Variants in RIPOR1 observed in about 807,000 individuals in gnomAD.
The protein encoded by RIPOR1 is RHO family interacting cell polarization regulator 1.
RIPOR1 carries 58 observed loss-of-function variants against 116.5 expected under a neutral mutation model. The ratio of observed to expected loss-of-function variants is 0.50; its 90% CI spans 0.40 to 0.62. RIPOR1 has a LOEUF of 0.62. Among genes scored for constraint, RIPOR1 ranks in the 20% least tolerant of loss-of-function variants. The pLI is 0.00. For synonymous variants in RIPOR1, 605 were observed against 650.0 expected (o/e 0.93, Z 1.05); for missense variants, 1,372 against 1,586.2 (o/e 0.86, Z 2.29).
rs1428239355 is a variant in RIPOR1, at chr16:67,537,657, G to A, written c.-23-767G>A. 4.9e-6 allele frequency: 6 copies of A among 1,216,698 alleles called. No individual in the cohort carries two copies. The highest frequency in any genetic ancestry group is 6.4e-6 in the Non-Finnish European group (6 of 930,316). 75.4% of individuals were successfully genotyped at this position (1,216,698 alleles called of 1,614,324 possible). A position where few individuals can be genotyped will look rare whatever the true frequency, so the allele number is the denominator to read the frequency against. Reference sequence around the variant, plus strand: ...ACTGGCCCCAGGGGAAGCAGGCCGGGTTTGGGGGCCAGGAGTGTGTGTTTC... The same window carrying A: ...ACTGGCCCCAGGGGAAGCAGGCCGGATTTGGGGGCCAGGAGTGTGTGTTTC... On this transcript the variant is annotated intron_variant, in intron 1 of 21. Coordinates refer to ENST00000042381, the MANE Select transcript of RIPOR1 (RefSeq NM_024519.4). The surrounding 1 kb of genome is among the most constrained non-coding windows in gnomAD (Gnocchi z 4.6).
At chr16:67,546,261 G>C (rs747966886) in intron 21 of RIPOR1, 30 bp downstream of exon 21, 24 of 1,611,988 alleles carry the variant, frequency 1.5e-5, no homozygotes, top group Non-Finnish European at 2.0e-5. Context: ...GAGATGGGTG[G>C]AGTTCTGGGA....
At position 67,545,807 on chromosome 16, in the gene RIPOR1, G is replaced by A; in HGVS notation, c.3334G>A (p.Ala1112Thr). Residue 1112 changes from alanine to threonine, a missense_variant, in exon 19 of 22, where the codon GCT becomes ACT. Coordinates refer to ENST00000042381, the MANE Select transcript of RIPOR1 (RefSeq NM_024519.4). This position sits in a 1 kb window ranked among gnomAD's most constrained non-coding sequence, Gnocchi z 4.8. ...LVHGNNKVMAAVSTQLRSLSL... is the reference protein window; with the variant it reads ...LVHGNNKVMATVSTQLRSLSL... Reference sequence around the variant, plus strand: ...CCATGGCAACAACAAGGTCATGGCTGCTGTCAGCACCCAGCTCCGGAGCCT... The same window carrying A: ...CCATGGCAACAACAAGGTCATGGCTACTGTCAGCACCCAGCTCCGGAGCCT... 6.2e-7 allele frequency: 1 copy of A among 1,611,618 alleles called. No individual in the cohort carries two copies. Among genetic ancestry groups the A allele is most frequent in the Non-Finnish European group, 8.5e-7 (1 of 1,178,824 alleles).
upstream of RIPOR1, chr16:67,528,684 G>C (rs2050571287): frequency 6.6e-6 from 1 of 152,210 alleles, no homozygotes; most frequent in Non-Finnish European, 1.5e-5. Flanking sequence ...GTGGGCCACC[G>C]GCCTGCCCCG....
chr16:67,533,458 A>G, intron 1 of RIPOR1, among the ~76,000 whole-genome samples: 1 of 152,130 alleles, frequency 6.6e-6, no homozygotes, highest in Non-Finnish European at 1.5e-5. Flanking sequence ...GTGGGAAAGT[A>G]AGATATGCAG....
At position 67,529,181 on chromosome 16, in the gene RIPOR1, C is replaced by T. The variant is rs1345211614; in HGVS notation, c.-24+267C>T. Among the ~76,000 whole-genome samples, 1 of 152,206 alleles carries T rather than the reference C, an allele frequency of 6.6e-6. No individual in the cohort carries two copies. The highest frequency in any genetic ancestry group is 1.5e-5 in the Non-Finnish European group (1 of 68,010). On this transcript the variant is annotated intron_variant, in intron 1 of 21. Transcript: ENST00000042381. The surrounding 1 kb of genome is among the most constrained non-coding windows in gnomAD (Gnocchi z 4.1). ...CCTCCCACGGCAAGGCCCTGGCGGC[C>T]GGTGCCCCGGGGCGCTGGGATGGGC...
rs138980452 is a variant in RIPOR1 at position 67,531,926 on chromosome 16, C to G, written c.-24+3012C>G. ...TTGTTTTTTGAGACAGAGTCTCGCTCTGTCGCCCAGGCTGGAGTGTAGTGG... is the reference window on the plus strand; with the variant it reads ...TTGTTTTTTGAGACAGAGTCTCGCTGTGTCGCCCAGGCTGGAGTGTAGTGG... On this transcript the variant is annotated intron_variant, in intron 1 of 21. Transcript: ENST00000042381. This position sits in a 1 kb window ranked among gnomAD's most constrained non-coding sequence, Gnocchi z 4.2. Among the ~76,000 whole-genome samples the G allele has an allele frequency of 1.1e-3, 169 of 152,284 alleles. 1 individual carries two copies. The highest frequency in any genetic ancestry group is 3.9e-3 in the African/African-American group (162 of 41,546).
At position 67,530,884 on chromosome 16, in the gene RIPOR1, C is replaced by A. The variant is rs1214767580; in HGVS notation, c.-24+1970C>A. Among the ~76,000 whole-genome samples, 1 of 151,862 alleles carries A rather than the reference C, an allele frequency of 6.6e-6. No homozygotes were observed. The highest frequency in any genetic ancestry group is 1.9e-4 in the East Asian group (1 of 5,168). On this transcript the variant is annotated intron_variant, in intron 1 of 21. Transcript: ENST00000042381. The surrounding 1 kb of genome is among the most constrained non-coding windows in gnomAD (Gnocchi z 4.5). The stretch of plus-strand genomic sequence containing the variant: ...GCCAGTCCCCCACCAGTTGAGGTGG[C>A]CCTTCTGCCTTAGCTCAAGGGGTTC...
At position 67,538,777 on chromosome 16, in the gene RIPOR1, G is replaced by A; in HGVS notation, c.210G>A (p.Gln70=). 6.2e-7 allele frequency: 1 copy of A among 1,613,516 alleles called. No individual in the cohort carries two copies. Among genetic ancestry groups the A allele is most frequent in the Non-Finnish European group, 8.5e-7 (1 of 1,179,964 alleles). The part of the protein sequence containing the change: ...SVAHPAAKVP[Q]PERLDLVYTA... ...CTCACCCAGCCGCCAAGGTGCCGCAGCCCGAGCGGCTGGACCTGGTGTACA... is the reference window on the plus strand; with the variant it reads ...CTCACCCAGCCGCCAAGGTGCCGCAACCCGAGCGGCTGGACCTGGTGTACA... Residue 70 remains glutamine (Q), a synonymous_variant, in exon 3 of 22, where the codon CAG becomes CAA. Coordinates refer to ENST00000042381, the MANE Select transcript of RIPOR1 (RefSeq NM_024519.4).
rs763225830 is a variant in RIPOR1, at chr16:67,542,574, G to T, written c.1788G>T (p.Gln596His). Residue 596 changes from glutamine to histidine, a missense_variant, in exon 13 of 22, where the codon CAG (glutamine) becomes CAT (histidine). Transcript: ENST00000042381. The surrounding 1 kb of genome is among the most constrained non-coding windows in gnomAD (Gnocchi z 4.6). ...GPTLNIIGPV[Q>H]TTTSPTHTMP... is the part of the protein sequence containing the mutation. ...CCCTCAATATCATAGGCCCAGTCCA[G>T]ACTACCACAAGCCCCACCCACACTA... The T allele has an allele frequency of 1.9e-6, 3 of 1,613,594 alleles. No individual in the cohort carries two copies. The South Asian group carries it at 3.3e-5, about 18-fold the overall frequency.
chr16:67,539,667 G>A, intron 4 of RIPOR1, 61 bp from the exon 5 acceptor site: 1 of 1,595,430 alleles, frequency 6.3e-7, no homozygotes, highest in Non-Finnish European at 8.6e-7. Flanking sequence ...GAGTCTGAGT[G>A]CCTCTGCTGG....
In RIPOR1 at chr16:67,543,703, G is replaced by A. The variant is rs966496461; in HGVS notation, c.2600+234G>A. ...ACGTGTGTCCCCAGTGCTTCTGACC[G>A]CCCTCTTCATCTCTGCAATGTCTGC... is the stretch of plus-strand genomic sequence containing the variant. On this transcript the variant is annotated intron_variant, in intron 14 of 21. Transcript: ENST00000042381. This position sits in a 1 kb window ranked among gnomAD's most constrained non-coding sequence, Gnocchi z 4.7. The A allele has an allele frequency of 4.2e-5, 25 of 593,412 alleles. No homozygotes were observed. The highest frequency in any genetic ancestry group is 2.2e-4 in the African/African-American group (12 of 53,534). The allele number at this position is 593,412 out of a possible 1,614,324, so 36.8% of individuals were successfully genotyped here. A position where few individuals can be genotyped will look rare whatever the true frequency, so the allele number is the denominator to read the frequency against.
At chr16:67,522,027 TG>T (rs1555524637) in intron 1 of RIPOR1, among the ~76,000 whole-genome samples, 2 of 125,088 alleles carry the variant, frequency 1.6e-5, no homozygotes, top group Admixed American at 7.5e-5. Context: ...CCATGTTTTT[TG>T]TTGTTGTTGT....
Position 67,540,121 on chromosome 16 carries a change from T to C in RIPOR1, c.483T>C (p.Arg161=), listed in dbSNP as rs753548388. The C allele has an allele frequency of 3.1e-6, 5 of 1,614,132 alleles. No homozygotes were observed. Among genetic ancestry groups the C allele is most frequent in the Non-Finnish European group, 4.2e-6 (5 of 1,180,014 alleles). ...RLRDGAYNMV[R]AYTTGSPGSR... Reference sequence around the variant, plus strand: ...GGGATGGTGCCTACAACATGGTCCGTGCCTACACCACTGGGTCCCCGGGAA... The same window carrying C: ...GGGATGGTGCCTACAACATGGTCCGCGCCTACACCACTGGGTCCCCGGGAA... The change falls in exon 7 of 22, where the codon CGT becomes CGC. Residue 161 remains arginine (R), a synonymous_variant. Transcript: ENST00000042381. The surrounding 1 kb of genome is among the most constrained non-coding windows in gnomAD (Gnocchi z 4.7).
Position 67,537,389 on chromosome 16 carries a change from A to T in RIPOR1, c.-23-1035A>T. The T allele has an allele frequency of 7.3e-6, 9 of 1,229,440 alleles. No individual in the cohort carries two copies. Among genetic ancestry groups the T allele is most frequent in the Non-Finnish European group, 9.1e-6 (9 of 986,170 alleles). The allele number at this position is 1,229,440 out of a possible 1,614,324, so 76.2% of individuals were successfully genotyped here. A position where few individuals can be genotyped will look rare whatever the true frequency, so the allele number is the denominator to read the frequency against. ...CCCCTCCCCGAGGGGAACCCCAGTCACCGGTCCCGCCCCATCCAGGCGGGC... is the reference window on the plus strand; with the variant it reads ...CCCCTCCCCGAGGGGAACCCCAGTCTCCGGTCCCGCCCCATCCAGGCGGGC... On this transcript the variant is annotated intron_variant, in intron 1 of 21. Coordinates refer to ENST00000042381, the MANE Select transcript of RIPOR1 (RefSeq NM_024519.4). The surrounding 1 kb of genome is among the most constrained non-coding windows in gnomAD (Gnocchi z 4.6).
rs772613318 is a variant in RIPOR1, at chr16:67,538,781, G to A, written c.214G>A (p.Glu72Lys). The A allele has an allele frequency of 2.5e-6, 4 of 1,613,482 alleles. No homozygotes were observed. Among genetic ancestry groups the A allele is most frequent in the Admixed American group, 1.7e-5 (1 of 60,026 alleles). ...CCCAGCCGCCAAGGTGCCGCAGCCC[G>A]AGCGGCTGGACCTGGTGTACACGGC... is the stretch of plus-strand genomic sequence containing the variant. ...AHPAAKVPQPERLDLVYTALK... is the reference protein window; with the variant it reads ...AHPAAKVPQPKRLDLVYTALK... Residue 72 changes from glutamate to lysine, a missense_variant, in exon 3 of 22, where the codon GAG becomes AAG. By Grantham distance (56) the Glu-to-Lys change is moderately conservative. Around this residue, in one of 3 missense-constraint regions of RIPOR1, gnomAD observed 165 missense variants for 145.5 expected, o/e 1.13. Transcript: ENST00000042381.
intron 1 of RIPOR1, among the ~76,000 whole-genome samples, chr16:67,534,093 T>C (rs573434963): frequency 6.6e-6 from 1 of 150,826 alleles, no homozygotes; most frequent in Non-Finnish European, 1.5e-5. Flanking sequence ...GTACTAGGAT[T>C]ACAGGCATGA....
Position 67,541,103 on chromosome 16 carries a change from T to C in RIPOR1, c.802-327T>C, listed in dbSNP as rs1388213925. 6.6e-6 allele frequency among the ~76,000 whole-genome samples: 1 copy of C among 152,086 alleles called. No homozygotes were observed. The highest frequency in any genetic ancestry group is 1.5e-5 in the Non-Finnish European group (1 of 68,008). ...CTAGGAGTTGGCGGGTCTCACTCTG[T>C]CACCCAGGTTGGAGTGCAGCAGTGC... On this transcript the variant is annotated intron_variant, in intron 10 of 21. Coordinates refer to ENST00000042381, the MANE Select transcript of RIPOR1 (RefSeq NM_024519.4). The surrounding 1 kb of genome is among the most constrained non-coding windows in gnomAD (Gnocchi z 4.6).
Position 67,529,794 on chromosome 16 carries a change from C to T in RIPOR1, c.-24+880C>T, listed in dbSNP as rs779152844. ...GGCCGCGCCCTGGGCCTGCCGCATT[C>T]GGCCAACGCACAGCATCTGAGGAGG... On this transcript the variant is annotated intron_variant, in intron 1 of 21. Coordinates refer to ENST00000042381, the MANE Select transcript of RIPOR1 (RefSeq NM_024519.4). The surrounding 1 kb of genome is among the most constrained non-coding windows in gnomAD (Gnocchi z 4.1). 4 of 1,535,820 alleles carry T rather than the reference C, an allele frequency of 2.6e-6. No homozygotes were observed. In the South Asian group the frequency reaches 4.8e-5, roughly 18 times the overall value.
Position 67,545,263 on chromosome 16 carries a change from T to C in RIPOR1, c.3032-113T>C, listed in dbSNP as rs1406797665. On this transcript the variant is annotated intron_variant, in intron 17 of 21. Coordinates refer to ENST00000042381, the MANE Select transcript of RIPOR1 (RefSeq NM_024519.4). This position sits in a 1 kb window ranked among gnomAD's most constrained non-coding sequence, Gnocchi z 4.8. ...GGGCCTTAGAGCAGAAGGACCCAGA[T>C]GGGTGGGGTTTGAACAGGGGGCCCC... is the stretch of plus-strand genomic sequence containing the variant. 1.3e-6 allele frequency: 2 copies of C among 1,515,444 alleles called. No individual in the cohort carries two copies. Among genetic ancestry groups the C allele is most frequent in the South Asian group, 1.2e-5 (1 of 81,912 alleles). The allele number at this position is 1,515,444 out of a possible 1,614,324, so 93.9% of individuals were successfully genotyped here.
Sources: allele counts gnomAD v4.1 joint callset (sites outside exome capture counted in the v4.1 genomes callset), GRCh38; gene constraint gnomAD v4.1.1; regional missense constraint gnomAD v4.1.1; non-coding constraint Gnocchi (gnomAD v3.1); transcripts MANE v1.5; gene names NCBI Gene and HGNC (gene_info 2026-07-23, HGNC 2026-07-21).